The following AVL9 variants were observed in gnomAD, a reference collection of about 807,000 sequenced individuals.
The protein encoded by AVL9 is late secretory pathway protein AVL9 homolog.
In AVL9, 49 loss-of-function variants were observed where a neutral mutation model predicts 79.2. The observed-to-expected ratio is 0.62, with a 90% CI of 0.49 to 0.79. The LOEUF (loss-of-function observed/expected upper bound fraction) is 0.79. Among genes scored for constraint, AVL9 ranks in the 30% least tolerant of loss-of-function variants. The pLI is 0.00. For synonymous variants in AVL9, 299 were observed against 280.6 expected (o/e 1.07, Z -0.65); for missense variants, 682 against 776.8 (o/e 0.88, Z 1.45).
chr7:32,495,598 A>C lies in AVL9; in HGVS notation c.-112A>C. The C allele has an allele frequency of 1.6e-6, 1 of 608,254 alleles. No homozygotes were observed. The highest frequency in any genetic ancestry group is 2.5e-6 in the Non-Finnish European group (1 of 405,356). The allele number at this position is 608,254 out of a possible 1,614,324, so 37.7% of individuals were successfully genotyped here. On this transcript the variant is annotated 5_prime_UTR_variant, in exon 1 of 16. It removes an upstream start codon present in the reference 5' UTR. Transcript: ENST00000318709. ...CCACCGATCTCCCTGTGCGGCCCTC[A>C]TGTGCTGTGCTCGCTGACACCCGAA... is the stretch of plus-strand genomic sequence containing the variant.
At chr7:32,527,739 T>C (rs11972665) in intron 1 of AVL9, among the ~76,000 whole-genome samples, 3,543 of 152,240 alleles carry the variant, frequency 0.023, 149 homozygotes, top group African/African-American at 0.079. Flanking sequence ...TAAAATTTGG[T>C]GGCCATTGAT....
chr7:32,583,134 TATTG>T (rs1188453583), intron 15 of AVL9, among the ~76,000 whole-genome samples: 1 of 152,200 alleles, frequency 6.6e-6, no homozygotes, highest in Admixed American at 6.5e-5. Flanking sequence ...TTTAGATGGT[TATTG>T]ATTATCAAGT....
chr7:32,533,334 C>T (rs1263005422), intron 1 of AVL9: 1 of 152,074 alleles, frequency 6.6e-6, no homozygotes, highest in Non-Finnish European at 1.5e-5. Context: ...AAAAATCTTA[C>T]TTTTAATTGG....
intron 1 of AVL9, among the ~76,000 whole-genome samples, chr7:32,518,031 A>G (rs540746337): frequency 1.3e-5 from 2 of 152,138 alleles, no homozygotes; most frequent in African/African-American, 2.4e-5. Flanking sequence ...GAGTTTCACC[A>G]TGTTGGCCAG....
intron 6 of AVL9, among the ~76,000 whole-genome samples, chr7:32,552,504 G>A (rs1009838941): frequency 6.7e-6 from 1 of 150,328 alleles, no homozygotes; most frequent in Non-Finnish European, 1.5e-5. Context: ...AACTATTAAC[G>A]TACAAGGTGA....
chr7:32,577,124 G>A (rs1439287387), intron 13 of AVL9, among the ~76,000 whole-genome samples: 1 of 152,126 alleles, frequency 6.6e-6, no homozygotes, highest in African/African-American at 2.4e-5. Flanking sequence ...ACAAAGTTAG[G>A]AGATCAAGAC....
rs147792212 is a variant in AVL9, at chr7:32,531,302, G to A, written c.94-11839G>A. Among the ~76,000 whole-genome samples, 563 of 151,870 alleles carry A rather than the reference G, an allele frequency of 3.7e-3. 2 individuals carry two copies. The highest frequency in any genetic ancestry group is 0.013 in the African/African-American group (538 of 41,430). On this transcript the variant is annotated intron_variant, in intron 1 of 15. Coordinates refer to ENST00000318709, the MANE Select transcript of AVL9 (RefSeq NM_015060.3). ...TGGGTCTGCTAATTTAAAGGGGCTT[G>A]CATTCCTCAGATAAGTTTTCTTTTT...
At chr7:32,560,260 A>T (rs13308468) in intron 10 of AVL9, among the ~76,000 whole-genome samples, 76,147 of 142,448 alleles carry the variant, frequency 0.53, 20,784 homozygotes, top group Admixed American at 0.67. Context: ...TAATTATTTT[A>T]AAAAAACAAC....
chr7:32,565,325 C>T (rs1790509753), intron 10 of AVL9, among the ~76,000 whole-genome samples: 1 of 151,848 alleles, frequency 6.6e-6, no homozygotes, highest in Non-Finnish European at 1.5e-5. Flanking sequence ...TTTGAGAGGC[C>T]AAGGCAGGCG....
intron 1 of AVL9, among the ~76,000 whole-genome samples, chr7:32,504,808 G>C (rs983860472): frequency 1.3e-5 from 2 of 152,128 alleles, no homozygotes; most frequent in Non-Finnish European, 2.9e-5. Context: ...GCATTGATGA[G>C]GTATTTGCCC....
rs34422070 is a variant in AVL9, at chr7:32,586,472, C to CCCCCCA, written c.*2566_*2567insCCCCAC. ...CCCCTGGTCCTGTGACCCCCCCCCC[C>CCCCCCA]CACACACACACATACTTCAGGCTTG... On this transcript the variant is annotated 3_prime_UTR_variant, in exon 16 of 16. Transcript: ENST00000318709. The CCCCCCA allele has an allele frequency of 3.5e-5, 5 of 142,954 alleles. No individual in the cohort carries two copies. Among genetic ancestry groups the CCCCCCA allele is most frequent in the Admixed American group, 2.1e-4 (3 of 14,486 alleles). 8.9% of individuals were successfully genotyped at this position (142,954 alleles called of 1,614,324 possible). A position where few individuals can be genotyped will look rare whatever the true frequency, so the allele number is the denominator to read the frequency against.
At chr7:32,523,681 A>AAGT (rs1409112504) in intron 1 of AVL9, among the ~76,000 whole-genome samples, 2 of 150,402 alleles carry the variant, frequency 1.3e-5, no homozygotes, top group Non-Finnish European at 3.0e-5. Flanking sequence ...ACACCTGCCT[A>AAGT]AGTATTATTA....
chr7:32,524,529 TAC>T (rs34652596), intron 1 of AVL9, among the ~76,000 whole-genome samples: 39 of 132,268 alleles, frequency 2.9e-4, no homozygotes, highest in East Asian at 7.5e-4. Flanking sequence ...GAGGGAGAAA[TAC>T]ACACACACAC....
intron 1 of AVL9, among the ~76,000 whole-genome samples, chr7:32,504,328 C>T (rs577163071): frequency 6.6e-6 from 1 of 152,074 alleles, no homozygotes; most frequent in Non-Finnish European, 1.5e-5. Context: ...TTTCAGGAAC[C>T]TGGAGATAAT....
At chr7:32,543,546 ACTC>A (rs1360401625) in intron 2 of AVL9, among the ~76,000 whole-genome samples, 1 of 151,994 alleles carries the variant, frequency 6.6e-6, no homozygotes, top group Non-Finnish European at 1.5e-5. Flanking sequence ...TATACTTCAT[ACTC>A]CTCAGAGGCA....
intron 1 of AVL9, among the ~76,000 whole-genome samples, chr7:32,513,660 G>T (rs1401582702): frequency 6.6e-6 from 1 of 152,222 alleles, no homozygotes; most frequent in African/African-American, 2.4e-5. Flanking sequence ...AGGTGGAGAC[G>T]AGAGACTGAG....
chr7:32,515,994 C>T (rs745486245), intron 1 of AVL9, among the ~76,000 whole-genome samples: 4 of 152,124 alleles, frequency 2.6e-5, no homozygotes, highest in South Asian at 2.1e-4. Flanking sequence ...ATACTCAGTA[C>T]GAAGAAAAAT....
chr7:32,498,552 T>G (rs1786968079), intron 1 of AVL9, among the ~76,000 whole-genome samples: 1 of 152,000 alleles, frequency 6.6e-6, no homozygotes, highest in Admixed American at 6.5e-5. Context: ...GTATTTTAAA[T>G]GAAAAATTCC....
At chr7:32,575,052 A>G (rs746485647) in intron 12 of AVL9, among the ~76,000 whole-genome samples, 1 of 146,796 alleles carries the variant, frequency 6.8e-6, no homozygotes, top group African/African-American at 2.5e-5. Context: ...ATAAAGCTGA[A>G]AACTTTATCA....
Sources: allele counts gnomAD v4.1 joint callset (sites outside exome capture counted in the v4.1 genomes callset), GRCh38; gene constraint gnomAD v4.1.1; transcripts MANE v1.5; gene names NCBI Gene and HGNC (gene_info 2026-07-23, HGNC 2026-07-21).